Variants in CHAF1B observed in about 807,000 individuals in gnomAD.
CHAF1B encodes CAF-1 subunit B.
CHAF1B carries 10 observed loss-of-function variants against 60.7 expected under a neutral mutation model. The observed-to-expected ratio is 0.16, with a 90% CI of 0.10 to 0.28. The LOEUF (loss-of-function observed/expected upper bound fraction) is 0.28, where lower values mean the gene tolerates loss of function less well. Among genes scored for constraint, CHAF1B ranks in the 10% least tolerant of loss-of-function variants. CHAF1B has a pLI of 1.00. For missense variants in CHAF1B, 558 were observed against 708.4 expected, an observed-to-expected ratio of 0.79 and a Z score of 2.41; for synonymous variants, 261 against 266.1, an observed-to-expected ratio of 0.98 and a Z score of 0.19.
intron 10 of CHAF1B, 29 bp downstream of exon 10, chr21:36,409,494 T>A (rs756319367): frequency 1.3e-6 from 2 of 1,559,644 alleles, no homozygotes; most frequent in South Asian, 2.2e-5. Flanking sequence ...GGGTGTGTTA[T>A]GTTTTCTCTC....
In CHAF1B at chr21:36,418,019, T is replaced by G. The variant is rs1272208999; in HGVS notation, c.*1653T>G. ...TTAAATGCATTTCCACTGAAAGCAT[T>G]TTTTTTTTTTTCCGAGACAGAGTCT... On this transcript the variant is annotated 3_prime_UTR_variant, in exon 14 of 14. Coordinates refer to ENST00000314103, the MANE Select transcript of CHAF1B (RefSeq NM_005441.3). 7.0e-6 allele frequency: 1 copy of G among 141,980 alleles called. No homozygotes were observed. Among genetic ancestry groups the G allele is most frequent in the African/African-American group, 2.5e-5 (1 of 40,182 alleles). 8.8% of individuals were successfully genotyped at this position (141,980 alleles called of 1,614,324 possible).
chr21:36,405,047 A>T (rs1482099360), intron 8 of CHAF1B, among the ~76,000 whole-genome samples: 2 of 25,262 alleles, frequency 7.9e-5, no homozygotes, highest in Non-Finnish European at 5.7e-4. Flanking sequence ...CACTGCGCCC[A>T]GCCCCAGTAG....
intron 8 of CHAF1B, 142 bp from the exon 9 acceptor site, chr21:36,408,619 C>T (rs2086254903): frequency 1.8e-5 from 11 of 611,710 alleles, no homozygotes; most frequent in Non-Finnish European, 3.0e-5. Flanking sequence ...TTTTTGTGCT[C>T]TGTCACAACA....
At chr21:36,413,975 G>A (rs2086298443) in intron 12 of CHAF1B, among the ~76,000 whole-genome samples, 1 of 152,168 alleles carries the variant, frequency 6.6e-6, no homozygotes, top group Non-Finnish European at 1.5e-5. Flanking sequence ...CAGCAGCCTG[G>A]TCGGTGAGAA....
At chr21:36,409,967 CTT>C (rs199857685) in intron 10 of CHAF1B, among the ~76,000 whole-genome samples, 18 of 131,192 alleles carry the variant, frequency 1.4e-4, no homozygotes, top group Non-Finnish European at 1.3e-4. Context: ...TTTTCTTTTT[CTT>C]TTTTTTTTTT....
rs372512182 is a variant in CHAF1B at position 36,402,725 on chromosome 21, A to C, written c.664-33A>C. On this transcript the variant is annotated intron_variant, in intron 7 of 13. Transcript: ENST00000314103. ...GCTTTGTGTGTAGAAAACAAACAAA[A>C]AAAATAATAAAAATAAATTTTGTGT... 264 of 1,569,778 alleles carry C rather than the reference A, an allele frequency of 1.7e-4. 1 individual carries two copies. In the African/African-American group the frequency reaches 1.8e-3, roughly 10 times the overall value.
intron 7 of CHAF1B, among the ~76,000 whole-genome samples, chr21:36,400,540 C>T (rs13049605): frequency 0.088 from 13,454 of 152,052 alleles, 1,204 homozygotes; most frequent in East Asian, 0.42. Flanking sequence ...ACCTGAGTGG[C>T]GTGATTCACT....
chr21:36,390,333 C>CAAA (rs1555911920), intron 3 of CHAF1B, among the ~76,000 whole-genome samples: 1 of 81,924 alleles, frequency 1.2e-5, no homozygotes, highest in Non-Finnish European at 2.8e-5. Flanking sequence ...AACACCATCT[C>CAAA]AAAAAAAAAA....
intron 5 of CHAF1B, among the ~76,000 whole-genome samples, chr21:36,396,358 CAAA>C (rs777079304): frequency 3.8e-5 from 2 of 52,814 alleles, no homozygotes; most frequent in African/African-American, 6.9e-5. Flanking sequence ...CCAAAAACCT[CAAA>C]AAAAAAAAAA....
At chr21:36,390,049 G>A (rs2146360632) in intron 3 of CHAF1B, among the ~76,000 whole-genome samples, 1 of 152,164 alleles carries the variant, frequency 6.6e-6, no homozygotes, top group South Asian at 2.1e-4. Flanking sequence ...GCATGGGAAT[G>A]CAGGCTGGGT....
rs774837946 is a variant in CHAF1B at position 36,416,371 on chromosome 21, AC to A, written c.*7del. 7.4e-6 allele frequency: 12 copies of A among 1,612,336 alleles called. No homozygotes were observed. The highest frequency in any genetic ancestry group is 9.3e-6 in the Non-Finnish European group (11 of 1,179,072). ...ACGGAAAGTCTGGACCCTTGATGGG[AC>A]CTCGGCTTCTGCTCGAAGCCTACCA... On this transcript the variant is annotated 3_prime_UTR_variant, in exon 14 of 14. Transcript: ENST00000314103.
At chr21:36,387,465 C>A in intron 2 of CHAF1B, 133 bp from the exon 3 acceptor site, 2 of 1,072,884 alleles carry the variant, frequency 1.9e-6, no homozygotes, top group Non-Finnish European at 2.7e-6. Flanking sequence ...AAGTGATTTA[C>A]CCACCTTGGC....
rs906281710 is a variant in CHAF1B at position 36,417,434 on chromosome 21, A to G, written c.*1068A>G. On this transcript the variant is annotated 3_prime_UTR_variant, in exon 14 of 14. Coordinates refer to ENST00000314103, the MANE Select transcript of CHAF1B (RefSeq NM_005441.3). ...AACCTCCGCCTCCTGGGTTCAAACG[A>G]TTCTCCTGCCTCTGCCTCTTGAGTA... The G allele has an allele frequency of 6.6e-6, 1 of 151,728 alleles. No homozygotes were observed. Among genetic ancestry groups the G allele is most frequent in the Non-Finnish European group, 1.5e-5 (1 of 67,988 alleles). 9.4% of individuals were successfully genotyped at this position (151,728 alleles called of 1,614,324 possible).
At chr21:36,395,170 C>T (rs1332137638) in intron 5 of CHAF1B, among the ~76,000 whole-genome samples, 1 of 152,168 alleles carries the variant, frequency 6.6e-6, no homozygotes, top group African/African-American at 2.4e-5. Context: ...CCTGCCTCAG[C>T]ATCCTGAGTA....
chr21:36,412,026 C>T (rs1206771988), intron 11 of CHAF1B, among the ~76,000 whole-genome samples: 2 of 152,194 alleles, frequency 1.3e-5, no homozygotes. Flanking sequence ...CCACGCCCGG[C>T]CCCAATTTTG....
intron 5 of CHAF1B, among the ~76,000 whole-genome samples, chr21:36,396,713 T>C (rs1215120547): frequency 2.0e-5 from 3 of 152,068 alleles, no homozygotes; most frequent in African/African-American, 7.2e-5. Flanking sequence ...TGTCTTTTTA[T>C]GCAGGCGATC....
chr21:36,396,704 G>T (rs1237052171), intron 5 of CHAF1B, among the ~76,000 whole-genome samples: 1 of 151,312 alleles, frequency 6.6e-6, no homozygotes, highest in Non-Finnish European at 1.5e-5. Context: ...TAACTCTCTT[G>T]TCTTTTTATG....
intron 7 of CHAF1B, 63 bp from the exon 8 acceptor site, chr21:36,402,695 T>C (rs904568992): frequency 2.2e-6 from 3 of 1,370,790 alleles, no homozygotes; most frequent in African/African-American, 2.9e-5. Flanking sequence ...TGGAAAAATG[T>C]TTAAGCTTTG....
chr21:36,408,918 G>C lies in CHAF1B; in HGVS notation c.827+88G>C, dbSNP rs1006552185. On this transcript the variant is annotated intron_variant, in intron 9 of 13. Coordinates refer to ENST00000314103, the MANE Select transcript of CHAF1B (RefSeq NM_005441.3). Reference sequence around the variant, plus strand: ...TGCCCAGGCTGGAGTGCAATGGTGCGATCTCTGCTCACTGCAACCTCTGCC... The same window carrying C: ...TGCCCAGGCTGGAGTGCAATGGTGCCATCTCTGCTCACTGCAACCTCTGCC... 3.3e-6 allele frequency: 3 copies of C among 897,476 alleles called. No individual in the cohort carries two copies. The African/African-American group carries it at 5.0e-5, about 15-fold the overall frequency. The allele number at this position is 897,476 out of a possible 1,614,324, so 55.6% of individuals were successfully genotyped here.
Sources: allele counts gnomAD v4.1 joint callset (sites outside exome capture counted in the v4.1 genomes callset), GRCh38; gene constraint gnomAD v4.1.1; transcripts MANE v1.5; gene names NCBI Gene and HGNC (gene_info 2026-07-23, HGNC 2026-07-21).